The following SLC9C2 variants were observed in gnomAD, a reference collection of about 807,000 sequenced individuals.
SLC9C2 encodes the protein solute carrier family 9 member C2 (putative).
Under a neutral mutation model 140.2 loss-of-function variants are expected in SLC9C2, and 75 were observed. That is an observed-to-expected ratio of 0.53 (90% CI 0.44 to 0.65). The LOEUF (loss-of-function observed/expected upper bound fraction) is 0.65, where lower values mean the gene tolerates loss of function less well. Ranked by LOEUF, SLC9C2 falls within the 30% of genes least tolerant of loss-of-function variation. SLC9C2 has a pLI of 0.00. For synonymous variants in SLC9C2, 375 were observed against 420.9 expected (o/e 0.89, Z 1.34); for missense variants, 1,074 against 1,331.8 (o/e 0.81, Z 3.01).
intron 23 of SLC9C2, 42 bp from the exon 24 acceptor site, chr1:173,509,741 A>G: frequency 1.3e-6 from 2 of 1,553,802 alleles, no homozygotes; most frequent in Non-Finnish European, 1.7e-6. Flanking sequence ...TTGATGTGGA[A>G]CTAAATTACA....
At chr1:173,520,941 C>G (rs1245139745) in intron 22 of SLC9C2, among the ~76,000 whole-genome samples, 1 of 152,122 alleles carries the variant, frequency 6.6e-6, no homozygotes, top group African/African-American at 2.4e-5. Flanking sequence ...TCTCTCTGGT[C>G]AACAAAAGCC....
rs148124208 is a variant in SLC9C2, at chr1:173,562,144, G to A, written c.1047-4636C>T. On this transcript the variant is annotated intron_variant, in intron 9 of 27. Coordinates refer to ENST00000367714, the MANE Select transcript of SLC9C2 (RefSeq NM_178527.4). ...AGGTCATCGTTCAAGTCAGAAACTA[G>A]CCCCTGTGCCCAATGACTATTGAAA... Among the ~76,000 whole-genome samples, 22 of 152,198 alleles carry A rather than the reference G, an allele frequency of 1.4e-4. No homozygotes were observed. The East Asian group carries it at 4.1e-3, about 28-fold the overall frequency.
rs57184360 is a variant in SLC9C2, at chr1:173,522,221, CAAA to C, written c.2641-825_2641-823del. 1.0e-4 allele frequency among the ~76,000 whole-genome samples: 14 copies of C among 139,394 alleles called. 1 individual carries two copies. Among genetic ancestry groups the C allele is most frequent in the East Asian group, 9.9e-4 (5 of 5,032 alleles). The allele number at this position is 139,394 out of a possible 152,430, so 91.4% of individuals were successfully genotyped here. ...TGGGCGACAGAGTGAGACTCCATCT[CAAA>C]AAAAAAAAAATGCAGAAAAGCCACA... On this transcript the variant is annotated intron_variant, in intron 21 of 27. Transcript: ENST00000367714.
intron 5 of SLC9C2, among the ~76,000 whole-genome samples, chr1:173,585,792 C>A (rs1287750177): frequency 6.6e-6 from 1 of 151,938 alleles, no homozygotes; most frequent in Non-Finnish European, 1.5e-5. Context: ...CATGGCAAAA[C>A]CCCCTCTCTA....
At position 173,582,025 on chromosome 1, in the gene SLC9C2, A is replaced by G; in HGVS notation, c.641-17T>C. The G allele has an allele frequency of 6.7e-7, 1 of 1,484,188 alleles. No homozygotes were observed. Among genetic ancestry groups the G allele is most frequent in the Non-Finnish European group, 9.0e-7 (1 of 1,107,402 alleles). 91.9% of individuals were successfully genotyped at this position (1,484,188 alleles called of 1,614,324 possible). The stretch of plus-strand genomic sequence containing the variant: ...CATGTAAATCTAAAAAAAAGAAAGA[A>G]AAAATAAGAAATAAAAACTTGAGCT... On this transcript the variant is annotated splice_polypyrimidine_tract_variant and intron_variant, in intron 6 of 27. Transcript: ENST00000367714.
At chr1:173,525,758 G>A (rs939090344) in intron 19 of SLC9C2, among the ~76,000 whole-genome samples, 1 of 152,206 alleles carries the variant, frequency 6.6e-6, no homozygotes, top group Non-Finnish European at 1.5e-5. Flanking sequence ...AGTGAATTGA[G>A]AAAACTTTGT....
chr1:173,521,141 T>C (rs1406624430), intron 22 of SLC9C2, among the ~76,000 whole-genome samples, 160 bp downstream of exon 22: 2 of 152,172 alleles, frequency 1.3e-5, no homozygotes, highest in African/African-American at 2.4e-5. Context: ...ATTTCAGGTG[T>C]TGAATATTCA....
In SLC9C2 at chr1:173,529,943, G is replaced by T. The variant is rs1269191815; in HGVS notation, c.2275C>A (p.Leu759Ile). 1.9e-6 allele frequency: 3 copies of T among 1,611,486 alleles called. No individual in the cohort carries two copies. The highest frequency in any genetic ancestry group is 2.5e-6 in the Non-Finnish European group (3 of 1,179,482). ...YIKSQEDAKL[L>I]IKQIAVCESI... Reference sequence around the variant, plus strand: ...TCACAGACAGCTATTTGTTTTATTAGAAGTTTGGCATCTTCTTGACTTTTG... The same window carrying T: ...TCACAGACAGCTATTTGTTTTATTATAAGTTTGGCATCTTCTTGACTTTTG... The change falls in exon 18 of 28, where the codon CTA becomes ATA. Residue 759 changes from leucine (L) to isoleucine (I), a missense_variant. Transcript: ENST00000367714.
rs564650950 is a variant in SLC9C2 at position 173,526,757 on chromosome 1, T to C, written c.2314-43A>G. On this transcript the variant is annotated intron_variant, in intron 18 of 27. Coordinates refer to ENST00000367714, the MANE Select transcript of SLC9C2 (RefSeq NM_178527.4). Reference sequence around the variant, plus strand: ...AAACATGTATTTCTTATTATTCATATAGTTTCTGTAAGAAATTAAGAAAAA... The same window carrying C: ...AAACATGTATTTCTTATTATTCATACAGTTTCTGTAAGAAATTAAGAAAAA... 22 of 1,320,906 alleles carry C rather than the reference T, an allele frequency of 1.7e-5. No homozygotes were observed. In the Middle Eastern group the frequency reaches 6.1e-4, roughly 36 times the overall value. The allele number at this position is 1,320,906 out of a possible 1,614,324, so 81.8% of individuals were successfully genotyped here.
chr1:173,595,062 G>A (rs990595059), intron 4 of SLC9C2, among the ~76,000 whole-genome samples: 11 of 152,058 alleles, frequency 7.2e-5, no homozygotes, highest in Admixed American at 2.0e-4. Flanking sequence ...ACCATGCCTG[G>A]CTAATTTTTT....
At chr1:173,507,125 G>C (rs755901079) in intron 24 of SLC9C2, 84 bp from the exon 25 acceptor site, 44 of 1,114,434 alleles carry the variant, frequency 3.9e-5, no homozygotes, top group Non-Finnish European at 5.1e-5. Flanking sequence ...TGATCTATCT[G>C]AATTATTTGA....
chr1:173,574,493 CTGAGT>C (rs1003884961), intron 8 of SLC9C2, among the ~76,000 whole-genome samples: 111 of 148,092 alleles, frequency 7.5e-4, no homozygotes, highest in Middle Eastern at 3.6e-3. Context: ...GAATAACTGA[CTGAGT>C]TAAGTACTTT....
At chr1:173,543,800 A>G (rs1201557483) in intron 13 of SLC9C2, among the ~76,000 whole-genome samples, 1 of 152,234 alleles carries the variant, frequency 6.6e-6, no homozygotes, top group East Asian at 1.9e-4. Flanking sequence ...CTGGCTAGCC[A>G]TACGTAGAAA....
chr1:173,565,071 G>A (rs10912644), intron 9 of SLC9C2, among the ~76,000 whole-genome samples: 58,864 of 148,812 alleles, frequency 0.4, 13,955 homozygotes, highest in African/African-American at 0.65. Context: ...GGGTTCAAGC[G>A]ATTCTCCTGC....
chr1:173,560,025 G>C (rs1433351719), intron 9 of SLC9C2, among the ~76,000 whole-genome samples: 1 of 152,176 alleles, frequency 6.6e-6, no homozygotes, highest in Non-Finnish European at 1.5e-5. Flanking sequence ...TGAAAAAAGG[G>C]TATTTTCAGA....
In SLC9C2 at chr1:173,534,618, G is replaced by T; in HGVS notation, c.1840C>A (p.Gln614Lys). 1 of 1,570,136 alleles carries T rather than the reference G, an allele frequency of 6.4e-7. No individual in the cohort carries two copies. Among genetic ancestry groups the T allele is most frequent in the Non-Finnish European group, 8.6e-7 (1 of 1,161,158 alleles). Residue 614 changes from glutamine (Q) to lysine (K), a missense_variant, in exon 16 of 28, where the codon CAG becomes AAG. Transcript: ENST00000367714. ...VFSEEFEYTGQIINLIYIYPM... is the reference protein window; with the variant it reads ...VFSEEFEYTGKIINLIYIYPM... The stretch of plus-strand genomic sequence containing the variant: ...TAAATATATATCAAATTTATAATCT[G>T]TCCTGTATATTCAAATTCTTCAGAA...
At chr1:173,566,628 CTTTTTGTTTCATTTATATTTCCTATTT>C (rs1482616348) in intron 9 of SLC9C2, among the ~76,000 whole-genome samples, 4 of 151,794 alleles carry the variant, frequency 2.6e-5, no homozygotes, top group African/African-American at 9.7e-5. Context: ...AAAAAACCAA[CTTTTTGTTTCATTTATATTTCCTATTT>C]TTTTCATTTC....
chr1:173,524,154 G>A, intron 20 of SLC9C2, 60 bp from the exon 21 acceptor site: 1 of 1,460,798 alleles, frequency 6.8e-7, no homozygotes, highest in Non-Finnish European at 9.2e-7. Context: ...TGGACACTAG[G>A]GAAAAACTAA....
At position 173,601,822 on chromosome 1, in the gene SLC9C2, G is replaced by C; in HGVS notation, c.-46C>G. The C allele has an allele frequency of 6.2e-7, 1 of 1,608,182 alleles. No individual in the cohort carries two copies. Among genetic ancestry groups the C allele is most frequent in the South Asian group, 1.1e-5 (1 of 90,082 alleles). On this transcript the variant is annotated 5_prime_UTR_variant, in exon 2 of 28. Transcript: ENST00000367714. The stretch of plus-strand genomic sequence containing the variant: ...AGACCTAACTTGATGGAGTGGTTTG[G>C]TTATTATTGACACTTTCACTTCTGC...
Sources: gnomAD v4.1 joint callset for allele counts (sites outside exome capture counted in the v4.1 genomes callset) on GRCh38, gnomAD v4.1.1 for gene constraint, MANE v1.5 for transcripts, NCBI Gene and HGNC (gene_info 2026-07-23, HGNC 2026-07-21) for gene names.